CRACR2A: variants seen among roughly 807,000 people sequenced by gnomAD.
CRACR2A encodes calcium release activated channel regulator 2A.
Under a neutral mutation model 90.5 loss-of-function variants are expected in CRACR2A, and 79 were observed. The ratio of observed to expected loss-of-function variants is 0.87; its 90% CI spans 0.73 to 1.05. The LOEUF (loss-of-function observed/expected upper bound fraction) is 1.05. CRACR2A is among the 50% of genes least tolerant of loss of function. The probability of loss-of-function intolerance (pLI) is 0.00; values close to 1 mark genes in which losing one functional copy is unlikely to be tolerated. For synonymous variants in CRACR2A, 338 were observed against 356.7 expected (o/e 0.95, Z 0.59); for missense variants, 823 against 897.2 (o/e 0.92, Z 1.06).
intron 7 of CRACR2A, chr12:3,672,859 GAAGAGACA>G: frequency 1.1e-6 from 1 of 947,386 alleles, no homozygotes; most frequent in Non-Finnish European, 1.3e-6. Flanking sequence ...TAGGGTAGAC[GAAGAGACA>G]TGAGGCCGTG....
At chr12:3,673,390 T>C in intron 7 of CRACR2A, 56 bp downstream of exon 7, 2 of 1,565,916 alleles carry the variant, frequency 1.3e-6, no homozygotes, top group African/African-American at 1.4e-5. Flanking sequence ...AAGTGCACCG[T>C]GTGTCTCTCT....
chr12:3,740,455 A>G (rs1008901391), intron 1 of CRACR2A, among the ~76,000 whole-genome samples: 7 of 152,086 alleles, frequency 4.6e-5, no homozygotes, highest in Non-Finnish European at 8.8e-5. Flanking sequence ...CTTACTCGGC[A>G]TTTGCAACTT....
intron 2 of CRACR2A, chr12:3,726,746 G>A (rs1946272188): frequency 6.6e-6 from 1 of 151,804 alleles, no homozygotes; most frequent in Non-Finnish European, 1.5e-5. Context: ...TATGGGGCAG[G>A]ATAGTGACAA....
At chr12:3,671,579 A>G (rs372613870) in intron 7 of CRACR2A, among the ~76,000 whole-genome samples, 16 of 152,280 alleles carry the variant, frequency 1.1e-4, no homozygotes, top group African/African-American at 3.9e-4. Flanking sequence ...TGCATTCCTA[A>G]GATGTTTCCA....
At chr12:3,659,792 A>AT (rs1944994344) in intron 7 of CRACR2A, 138 bp from the exon 8 acceptor site, 2 of 670,382 alleles carry the variant, frequency 3.0e-6, no homozygotes, top group Non-Finnish European at 5.3e-6. Context: ...AGCCAACGCT[A>AT]TAAGATCAGT....
rs1266877108 is a variant in CRACR2A, at chr12:3,633,726, G to C, written c.1613C>G (p.Ser538Cys). 1 of 1,551,702 alleles carries C rather than the reference G, an allele frequency of 6.4e-7. No homozygotes were observed. The highest frequency in any genetic ancestry group is 2.0e-5 in the Admixed American group (1 of 51,008). The change falls in exon 15 of 20, where the codon TCT (serine) becomes TGT (cysteine). Residue 538 changes from serine (S) to cysteine (C), a missense_variant. Transcript: ENST00000440314. The surrounding 1 kb of genome is among the most constrained non-coding windows in gnomAD (Gnocchi z 4.5). ...GAAGAGCCGGTCAGGGGCAGAGGGA[G>C]AGCTTTCCTCCTGTGGATGGCACAC... ...GKEALCKEES[S>C]PSAPDRLFKI...
intron 4 of CRACR2A, among the ~76,000 whole-genome samples, chr12:3,691,702 G>A (rs189535724): frequency 2.2e-4 from 33 of 152,324 alleles, no homozygotes; most frequent in Non-Finnish European, 1.3e-4. Flanking sequence ...CTCTAGCTAG[G>A]TTGGGGAAGT....
chr12:3,715,127 G>T (rs557704232), intron 2 of CRACR2A, among the ~76,000 whole-genome samples: 1 of 152,192 alleles, frequency 6.6e-6, no homozygotes, highest in Non-Finnish European at 1.5e-5. Flanking sequence ...CCCCTACCAG[G>T]TTCCAGGCAC....
chr12:3,720,683 C>G (rs1946157019), intron 2 of CRACR2A, among the ~76,000 whole-genome samples: 1 of 152,170 alleles, frequency 6.6e-6, no homozygotes, highest in Admixed American at 6.5e-5. Context: ...CTACCCCGAG[C>G]TTTTTGGAAG....
At chr12:3,648,389 C>A in intron 11 of CRACR2A, 153 bp downstream of exon 11, 2 of 1,543,164 alleles carry the variant, frequency 1.3e-6, no homozygotes, top group South Asian at 2.4e-5. Flanking sequence ...ACTTGGTGGT[C>A]CAAACACTGC....
At chr12:3,642,271 C>T (rs1390351858) in intron 12 of CRACR2A, among the ~76,000 whole-genome samples, 2 of 152,172 alleles carry the variant, frequency 1.3e-5, no homozygotes, top group African/African-American at 4.8e-5. Context: ...GGTCAGAGTG[C>T]AATGGCATGA....
chr12:3,713,414 C>T, intron 2 of CRACR2A, 97 bp from the exon 3 acceptor site: 1 of 463,264 alleles, frequency 2.2e-6, no homozygotes, highest in Non-Finnish European at 2.8e-6. Context: ...TGGGAGGAAA[C>T]ATTGCTCCTA....
chr12:3,697,106 G>A lies in CRACR2A; in HGVS notation c.-36-71C>T, dbSNP rs71579246. The A allele has an allele frequency of 6.8e-3, 10,043 of 1,468,744 alleles. 42 individuals are homozygous for A. Among genetic ancestry groups the A allele is most frequent in the Non-Finnish European group, 8.1e-3 (9,015 of 1,108,196 alleles). 91.0% of individuals were successfully genotyped at this position (1,468,744 alleles called of 1,614,324 possible). On this transcript the variant is annotated intron_variant, in intron 3 of 19. Transcript: ENST00000440314. ...GTGAGGCTGAAAAAGAACAAGAGGG[G>A]ATGAGAAGGAAGCACAGAGCCATAC...
intron 17 of CRACR2A, among the ~76,000 whole-genome samples, chr12:3,619,971 C>A (rs1236291399): frequency 6.6e-6 from 1 of 152,226 alleles, no homozygotes; most frequent in East Asian, 1.9e-4. Flanking sequence ...CACCACAGAC[C>A]CCTGTCACTG....
At chr12:3,749,988 G>A (rs1254172991) in intron 1 of CRACR2A, among the ~76,000 whole-genome samples, 4 of 151,638 alleles carry the variant, frequency 2.6e-5, no homozygotes, top group African/African-American at 9.7e-5. Context: ...TCAGGCTGGA[G>A]TGCAATGGCG....
chr12:3,657,290 G>A (rs1383088494), intron 8 of CRACR2A, among the ~76,000 whole-genome samples: 1 of 152,264 alleles, frequency 6.6e-6, no homozygotes, highest in East Asian at 1.9e-4. Flanking sequence ...TACAAAATGT[G>A]CAGGAAGAGA....
At chr12:3,615,484 G>A in intron 19 of CRACR2A, 45 bp from the exon 20 acceptor site, 1 of 1,495,570 alleles carries the variant, frequency 6.7e-7, no homozygotes, top group South Asian at 1.3e-5. Flanking sequence ...GAAGTTGATA[G>A]GCCCAGGGGC....
At chr12:3,745,896 A>C (rs1946618347) in intron 1 of CRACR2A, among the ~76,000 whole-genome samples, 1 of 152,070 alleles carries the variant, frequency 6.6e-6, no homozygotes, top group African/African-American at 2.4e-5. Context: ...TCCCTACAGA[A>C]AAACAAAACC....
At position 3,638,154 on chromosome 12, in the gene CRACR2A, C is replaced by A. The variant is rs935115227; in HGVS notation, c.1572G>T (p.Gly524=). The A allele has an allele frequency of 5.2e-6, 8 of 1,548,354 alleles. No individual in the cohort carries two copies. The highest frequency in any genetic ancestry group is 1.7e-4 in the Middle Eastern group (1 of 5,918). Residue 524 remains glycine (G), a synonymous_variant, in exon 14 of 20, where the codon GGG becomes GGT. Coordinates refer to ENST00000440314, the MANE Select transcript of CRACR2A (RefSeq NM_001144958.2). ...ACAGGGCTTCTTTTCCAACAGGCTG[C>A]CCTCGGGGGGATGTGGGGGTGAGTT... ...PLKLTPTSPR[G]QPVGKEALCK...
Sources: gnomAD v4.1 joint callset for allele counts (sites outside exome capture counted in the v4.1 genomes callset) on GRCh38, gnomAD v4.1.1 for gene constraint, Gnocchi (gnomAD v3.1) non-coding constraint, MANE v1.5 for transcripts, NCBI Gene and HGNC (gene_info 2026-07-23, HGNC 2026-07-21) for gene names.